The following SSPN variants were observed in gnomAD, a reference collection of about 807,000 sequenced individuals.
The protein encoded by SSPN is sarcospan.
A neutral mutation model predicts 19.1 loss-of-function variants in SSPN; 15 were observed. That is an observed-to-expected ratio of 0.78 (90% CI 0.52 to 1.21). The LOEUF is 1.21. Among genes scored for constraint, SSPN ranks in the 50% most tolerant of loss-of-function variants. The pLI is 0.00. For synonymous variants in SSPN, 147 were observed against 140.3 expected, an observed-to-expected ratio of 1.05 and a Z score of -0.34; for missense variants, 291 against 314.0, an observed-to-expected ratio of 0.93 and a Z score of 0.55.
chr12:26,230,857 G>A lies in SSPN; in HGVS notation c.513G>A (p.Pro171=), dbSNP rs147508239. 3.6e-4 allele frequency: 577 copies of A among 1,614,102 alleles called. 1 individual carries two copies. The highest frequency in any genetic ancestry group is 1.2e-3 in the Middle Eastern group (7 of 6,062). Residue 171 remains proline, a synonymous_variant, in exon 3 of 3, where the codon CCG becomes CCA. Coordinates refer to ENST00000242729, the MANE Select transcript of SSPN (RefSeq NM_005086.5). ...SCQCKLPSSE[P]LSRTFVYRDV... is the part of the protein sequence containing the mutation. ...AGTGCAAACTGCCCTCCTCGGAGCC[G>A]CTCAGCAGGACCTTTGTTTACCGGG...
chr12:26,191,971 AAGAT>A (rs1473133297), upstream of SSPN, among the ~76,000 whole-genome samples: 2 of 152,226 alleles, frequency 1.3e-5, no homozygotes, highest in African/African-American at 4.8e-5. Context: ...TGGGGAATGT[AAGAT>A]CATGTGTTTG....
intron 1 of SSPN, among the ~76,000 whole-genome samples, chr12:26,186,652 C>T (rs1944756116): frequency 6.6e-6 from 1 of 152,306 alleles, no homozygotes; most frequent in Middle Eastern, 3.4e-3. Context: ...TGAGGATGCC[C>T]ATAGGCTGCG....
chr12:26,181,422 T>C (rs1486475299), intron 1 of SSPN: 1 of 152,228 alleles, frequency 6.6e-6, no homozygotes, highest in East Asian at 1.9e-4. Context: ...TGGTCAACAA[T>C]GTTAGCTGTT....
intron 1 of SSPN, among the ~76,000 whole-genome samples, chr12:26,155,500 G>A (rs1336248539): frequency 6.6e-6 from 1 of 152,084 alleles, no homozygotes; most frequent in Non-Finnish European, 1.5e-5. Context: ...AGCCTCAAAA[G>A]CAATAGGTAT....
At chr12:26,166,276 T>TA (rs895632847) in intron 1 of SSPN, among the ~76,000 whole-genome samples, 3 of 151,896 alleles carry the variant, frequency 2.0e-5, no homozygotes, top group Admixed American at 6.6e-5. Context: ...ATAATAATAA[T>TA]AAAAAAAAGT....
intron 1 of SSPN, chr12:26,126,650 G>A (rs969576698): frequency 2.0e-5 from 3 of 152,282 alleles, no homozygotes; most frequent in African/African-American, 4.8e-5. Context: ...CCGGGCCGCG[G>A]CGGCCGCTCG....
chr12:26,145,210 C>G (rs1179804235), intron 1 of SSPN, among the ~76,000 whole-genome samples: 6 of 152,184 alleles, frequency 3.9e-5, no homozygotes, highest in Non-Finnish European at 8.8e-5. Flanking sequence ...GTTCCTTCCT[C>G]AAGACTTAAC....
chr12:26,170,325 C>T (rs2137432270), intron 1 of SSPN, among the ~76,000 whole-genome samples: 1 of 152,312 alleles, frequency 6.6e-6, no homozygotes, highest in East Asian at 1.9e-4. Context: ...CTCAGTGTAA[C>T]TCTAGATCTA....
intron 1 of SSPN, among the ~76,000 whole-genome samples, chr12:26,209,795 C>CGT (rs56680376): frequency 0.024 from 3,520 of 145,006 alleles, 55 homozygotes; most frequent in Non-Finnish European, 0.037. Flanking sequence ...ATTCTTAGAG[C>CGT]GTGTGTGTGT....
At chr12:26,226,834 C>T (rs557173494) in intron 2 of SSPN, among the ~76,000 whole-genome samples, 11 of 152,178 alleles carry the variant, frequency 7.2e-5, no homozygotes, top group South Asian at 2.1e-4. Flanking sequence ...CAGAAGGGCC[C>T]TTCCCGTTCA....
At position 26,166,287 on chromosome 12, in the gene SSPN, A is replaced by T. The variant is rs1490816172; in HGVS notation, c.-31+44135A>T. On this transcript the variant is annotated intron_variant, in intron 1 of 2. Coordinates refer to the SSPN transcript ENST00000538142. ...AAGTATAATAATAATAAAAAAAAGTATATGGTTACTGGCCAAAGGTAACAG... is the reference window on the plus strand; with the variant it reads ...AAGTATAATAATAATAAAAAAAAGTTTATGGTTACTGGCCAAAGGTAACAG... Among the ~76,000 whole-genome samples the T allele has an allele frequency of 2.0e-5, 3 of 152,254 alleles. No individual in the cohort carries two copies. In the South Asian group the frequency reaches 6.2e-4, roughly 31 times the overall value.
chr12:26,230,279 A>G (rs1945215940), intron 2 of SSPN, among the ~76,000 whole-genome samples: 1 of 152,220 alleles, frequency 6.6e-6, no homozygotes, highest in Non-Finnish European at 1.5e-5. Context: ...TGGCCCACAC[A>G]GTGTTTGCAT....
At chr12:26,166,735 A>G (rs59864950) in intron 1 of SSPN, among the ~76,000 whole-genome samples, 34,434 of 152,154 alleles carry the variant, frequency 0.23, 4,080 homozygotes, top group East Asian at 0.35. Context: ...ATAATCCATC[A>G]GTAGAGCTGA....
At chr12:26,157,573 T>TA (rs1234404517) in intron 1 of SSPN, among the ~76,000 whole-genome samples, 16 of 151,616 alleles carry the variant, frequency 1.1e-4, no homozygotes, top group South Asian at 2.1e-4. Context: ...TTGCTTCTTT[T>TA]AAAAAAAAAT....
Position 26,232,050 on chromosome 12 carries a change from A to G in SSPN, c.*974A>G. 7.1e-6 allele frequency: 7 copies of G among 985,428 alleles called. No individual in the cohort carries two copies. The highest frequency in any genetic ancestry group is 8.4e-6 in the Non-Finnish European group (7 of 829,924). 61.0% of individuals were successfully genotyped at this position (985,428 alleles called of 1,614,324 possible). On this transcript the variant is annotated 3_prime_UTR_variant, in exon 3 of 3. Transcript: ENST00000242729. ...TAGCTCAGGTTAAAAACACCCATTT[A>G]AACAAAAACAAGAGCATTTGTAATA... is the stretch of plus-strand genomic sequence containing the variant.
intron 1 of SSPN, among the ~76,000 whole-genome samples, chr12:26,184,923 T>C (rs775756203): frequency 6.6e-6 from 1 of 152,186 alleles, no homozygotes; most frequent in Non-Finnish European, 1.5e-5. Context: ...TCAGTGAGTT[T>C]TTTTCTAGGT....
At chr12:26,130,361 A>T (rs754443069) in intron 1 of SSPN, among the ~76,000 whole-genome samples, 11 of 152,148 alleles carry the variant, frequency 7.2e-5, no homozygotes, top group Non-Finnish European at 1.5e-4. Flanking sequence ...CCTTACATCA[A>T]TTGTCAGATG....
intron 1 of SSPN, among the ~76,000 whole-genome samples, chr12:26,207,833 A>T (rs577970463): frequency 1.3e-5 from 2 of 152,052 alleles, no homozygotes; most frequent in Non-Finnish European, 2.9e-5. Context: ...TCTACAAAAA[A>T]TACTTTTTGT....
chr12:26,212,727 A>G (rs1260168544), intron 1 of SSPN, among the ~76,000 whole-genome samples: 1 of 152,200 alleles, frequency 6.6e-6, no homozygotes, highest in Non-Finnish European at 1.5e-5. Flanking sequence ...AATCTTCCAG[A>G]TATATCATAG....
Sources: gnomAD v4.1 joint callset for allele counts (sites outside exome capture counted in the v4.1 genomes callset) on GRCh38, gnomAD v4.1.1 for gene constraint, MANE v1.5 for transcripts, NCBI Gene and HGNC (gene_info 2026-07-23, HGNC 2026-07-21) for gene names.